The following OR52N4 variants were observed in gnomAD, a reference collection of about 807,000 sequenced individuals.
The protein encoded by OR52N4 is olfactory receptor 52N4.
A neutral mutation model predicts 15.0 loss-of-function variants in OR52N4; 15 were observed. The observed-to-expected ratio is 1.00, with a 90% CI of 0.67 to 1.54. The LOEUF (loss-of-function observed/expected upper bound fraction) is 1.54, where lower values mean the gene tolerates loss of function less well. OR52N4 is among the 40% of genes most tolerant of loss of function. OR52N4 has a pLI of 0.00. For missense variants in OR52N4, 421 were observed against 394.0 expected (o/e 1.07, Z -0.58); for synonymous variants, 143 against 143.7 (o/e 1.00, Z 0.03).
chr11:5,750,526 T>A (rs1854168404), upstream of OR52N4, among the ~76,000 whole-genome samples: 1 of 151,970 alleles, frequency 6.6e-6, no homozygotes, highest in Admixed American at 6.6e-5. Context: ...GAGAAAAGAA[T>A]CGTGACACTA....
the OR52N4 span, chr11:5,734,142 T>G: frequency 2.2e-6 from 1 of 456,104 alleles, no homozygotes; most frequent in Non-Finnish European, 4.4e-6. Context: ...TATCTTGTGT[T>G]AAAGCATCTT....
At chr11:5,743,161 T>C in the OR52N4 span, among the ~76,000 whole-genome samples, 1 of 10,112 alleles carries the variant, frequency 9.9e-5, no homozygotes, top group African/African-American at 2.4e-4. Context: ...TTGTGCAATG[T>C]TAATCAATTC....
chr11:5,733,133 G>C, the OR52N4 span, among the ~76,000 whole-genome samples: 2 of 152,058 alleles, frequency 1.3e-5, no homozygotes, highest in East Asian at 3.8e-4. Flanking sequence ...GTACAATCTG[G>C]TCTTCACATT....
the OR52N4 span, chr11:5,737,378 CACA>C: frequency 6.2e-7 from 1 of 1,614,068 alleles, no homozygotes; most frequent in Non-Finnish European, 8.5e-7. Context: ...TAATGTGTTG[CACA>C]ACATCATCCC....
At chr11:5,733,308 A>T in the OR52N4 span, among the ~76,000 whole-genome samples, 10 of 152,118 alleles carry the variant, frequency 6.6e-5, no homozygotes, top group Non-Finnish European at 1.2e-4. Flanking sequence ...TGTCACCTTG[A>T]GGTTACCTTG....
chr11:5,730,437 C>T, the OR52N4 span, among the ~76,000 whole-genome samples: 7 of 151,728 alleles, frequency 4.6e-5, no homozygotes, highest in South Asian at 2.1e-4. Flanking sequence ...GTGATCCGCC[C>T]GCCTCAGCCT....
At chr11:5,752,801 G>C (rs1854217470), upstream of OR52N4, among the ~76,000 whole-genome samples, 2 of 151,968 alleles carry the variant, frequency 1.3e-5, no homozygotes, top group Admixed American at 1.3e-4. Context: ...CTGCCTTTCA[G>C]TTATCACTCT....
chr11:5,751,594 T>C (rs913996104), upstream of OR52N4, among the ~76,000 whole-genome samples: 17 of 152,136 alleles, frequency 1.1e-4, no homozygotes, highest in African/African-American at 4.1e-4. Flanking sequence ...AGATTATAAT[T>C]TAATAATTAT....
chr11:5,737,236 T>C, the OR52N4 span: 1 of 1,614,160 alleles, frequency 6.2e-7, no homozygotes, highest in Non-Finnish European at 8.5e-7. Flanking sequence ...TGAACTCAGC[T>C]GAAGCTGCAG....
At chr11:5,735,691 A>G in the OR52N4 span, among the ~76,000 whole-genome samples, 10 of 152,196 alleles carry the variant, frequency 6.6e-5, no homozygotes, top group Non-Finnish European at 1.5e-5. Context: ...AAGTAAATGG[A>G]TAACAACAAA....
rs1396543753 is a variant in OR52N4 at position 5,755,344 on chromosome 11, C to G, written c.604C>G (p.Leu202Val). The change falls in exon 2 of 2, where the codon CTG becomes GTG. Residue 202 changes from leucine (L) to valine (V), a missense_variant. By Grantham distance (32) the Leu-to-Val change is conservative. Coordinates refer to ENST00000641350, the MANE Select transcript of OR52N4 (RefSeq NM_001005175.5). ...TGTCAAGGTCAATGCCATCTATGGT[C>G]TGATGGTTGCCCTCCTGATTTGGGG... ...GNVKVNAIYG[L>V]MVALLIWGFD... is the part of the protein sequence containing the mutation. 2 of 1,614,098 alleles carry G rather than the reference C, an allele frequency of 1.2e-6. No homozygotes were observed. The highest frequency in any genetic ancestry group is 8.5e-7 in the Non-Finnish European group (1 of 1,179,984).
chr11:5,729,049 C>T, the OR52N4 span, among the ~76,000 whole-genome samples: 1 of 151,688 alleles, frequency 6.6e-6, no homozygotes, highest in Non-Finnish European at 1.5e-5. Flanking sequence ...CACCCCCACC[C>T]CACAACAGAC....
In OR52N4 at chr11:5,754,861, A is replaced by G. The variant is rs531569145; in HGVS notation, c.121A>G (p.Met41Val). 2.4e-5 allele frequency: 38 copies of G among 1,613,820 alleles called. No individual in the cohort carries two copies. In the Admixed American group the frequency reaches 5.2e-4, roughly 22 times the overall value. ...FPFCSMYVVA[M>V]VGNCGLLYLI... is the part of the protein sequence containing the mutation. The stretch of plus-strand genomic sequence containing the variant: ...ATTCTGCTCTATGTATGTTGTGGCT[A>G]TGGTAGGGAATTGTGGACTCCTCTA... Residue 41 changes from methionine to valine, a missense_variant, in exon 2 of 2, where the codon ATG (methionine) becomes GTG (valine). Transcript: ENST00000641350.
At chr11:5,745,961 A>G in the OR52N4 span, among the ~76,000 whole-genome samples, 1 of 152,164 alleles carries the variant, frequency 6.6e-6, no homozygotes, top group Admixed American at 6.5e-5. Flanking sequence ...AAAGACACAT[A>G]GATCAGTAAA....
chr11:5,736,910 T>A, the OR52N4 span: 1 of 1,613,948 alleles, frequency 6.2e-7, no homozygotes, highest in Admixed American at 1.7e-5. Flanking sequence ...TTTTGATAGA[T>A]ATGTGGCTAT....
rs372415290 is a variant in OR52N4 at position 5,755,561 on chromosome 11, C to G, written c.821C>G (p.Ser274Cys). The change falls in exon 2 of 2, where the codon TCT becomes TGT. Residue 274 changes from serine to cysteine, a missense_variant. By Grantham distance (112) the Ser-to-Cys change is moderately radical (BLOSUM62 -1). Coordinates refer to ENST00000641350, the MANE Select transcript of OR52N4 (RefSeq NM_001005175.5). Reference protein sequence around the residue: ...HRFGEHIIPPSCHIIVANIYL... With the variant: ...HRFGEHIIPPCCHIIVANIYL... ...TTTGGGGAACACATAATCCCCCCTTCTTGCCACATCATTGTAGCCAATATT... is the reference window on the plus strand; with the variant it reads ...TTTGGGGAACACATAATCCCCCCTTGTTGCCACATCATTGTAGCCAATATT... The G allele has an allele frequency of 2.5e-6, 4 of 1,613,814 alleles. No homozygotes were observed. Among genetic ancestry groups the G allele is most frequent in the Non-Finnish European group, 3.4e-6 (4 of 1,179,850 alleles).
chr11:5,736,816 T>G, the OR52N4 span: 7 of 1,614,010 alleles, frequency 4.3e-6, no homozygotes, highest in East Asian at 1.3e-4. Flanking sequence ...ATGCCAAGGT[T>G]ATTAGCCTCC....
At chr11:5,754,593 G>A in intron 1 of OR52N4, 100 bp from the exon 2 acceptor site, 3 of 754,368 alleles carry the variant, frequency 4.0e-6, no homozygotes, top group Non-Finnish European at 4.0e-6. Flanking sequence ...AAATTTGGTT[G>A]TTGGACCATT....
chr11:5,736,552 T>C, the OR52N4 span: 31 of 1,613,686 alleles, frequency 1.9e-5, no homozygotes, highest in East Asian at 4.5e-5. Flanking sequence ...AAATCTCCAA[T>C]AGCTCCAAAT....
Sources: allele counts gnomAD v4.1 joint callset (sites outside exome capture counted in the v4.1 genomes callset), GRCh38; gene constraint gnomAD v4.1.1; transcripts MANE v1.5; gene names NCBI Gene and HGNC (gene_info 2026-07-23, HGNC 2026-07-21).